The following USP9X variants were observed in gnomAD, a reference collection of about 807,000 sequenced individuals.
The protein encoded by USP9X is ubiquitin specific peptidase 9 X-linked.
Under a neutral mutation model 190.3 loss-of-function variants are expected in USP9X, and 7 were observed. That is an observed-to-expected ratio of 0.04 (90% CI 0.02 to 0.07). The LOEUF (loss-of-function observed/expected upper bound fraction) is 0.07. Among genes scored for constraint, USP9X ranks in the 10% least tolerant of loss-of-function variants. The pLI is 1.00. For missense variants in USP9X, 1,010 were observed against 1,916.9 expected (o/e 0.53, Z 8.83); for synonymous variants, 645 against 659.5 (o/e 0.98, Z 0.34).
chrX:41,093,817 A>G (rs1000605033), intron 1 of USP9X, among the ~76,000 whole-genome samples: 4 of 112,322 alleles, frequency 3.6e-5, no homozygotes, highest in African/African-American at 1.3e-4. Context: ...GATGAAGTTT[A>G]CATTTGAAAG....
intron 21 of USP9X, among the ~76,000 whole-genome samples, chrX:41,174,280 C>T (rs2062754174): frequency 5.4e-5 from 6 of 111,851 alleles, no homozygotes. Context: ...AATTCCACAT[C>T]ATTTTATATA....
rs1286432864 is a variant in USP9X, at chrX:41,230,461, T to G, written c.7432-40T>G. On this transcript the variant is annotated intron_variant, in intron 43 of 44. Transcript: ENST00000378308. ...GAAAAAGTTAAAAGTAAACTTGAGTTTGCCTACGTAATTTTTTATCTTGAA... is the reference window on the plus strand; with the variant it reads ...GAAAAAGTTAAAAGTAAACTTGAGTGTGCCTACGTAATTTTTTATCTTGAA... The G allele has an allele frequency of 3.5e-6, 4 of 1,131,217 alleles. 1 individual carries two copies. In the South Asian group the frequency reaches 5.6e-5, roughly 16 times the overall value. 93.2% of individuals were successfully genotyped at this position (1,131,217 alleles called of 1,213,427 possible).
intron 1 of USP9X, among the ~76,000 whole-genome samples, chrX:41,098,433 C>G (rs2062009099): frequency 2.7e-5 from 3 of 111,278 alleles, no homozygotes; most frequent in Non-Finnish European, 3.8e-5. Context: ...AGCCACCGTG[C>G]CCAGCCTGAC....
chrX:41,160,320 A>G (rs761241955), intron 14 of USP9X, among the ~76,000 whole-genome samples: 1 of 109,049 alleles, frequency 9.2e-6, no homozygotes, highest in African/African-American at 3.3e-5. Context: ...TTATATATAT[A>G]CATATATATA....
intron 1 of USP9X, among the ~76,000 whole-genome samples, chrX:41,115,791 GAGA>G (rs1444244584): frequency 8.9e-6 from 1 of 111,929 alleles, no homozygotes. Context: ...GAAAAATTGA[GAGA>G]AGAAAATCTT....
chrX:41,213,947 T>C (rs769732848), intron 33 of USP9X, among the ~76,000 whole-genome samples: 39 of 112,268 alleles, frequency 3.5e-4, no homozygotes, highest in Non-Finnish European at 6.6e-4. Flanking sequence ...AATTAATGGT[T>C]AATAATGTAT....
chrX:41,191,824 G>A (rs2062937920), intron 26 of USP9X, among the ~76,000 whole-genome samples: 1 of 112,155 alleles, frequency 8.9e-6, no homozygotes, highest in Non-Finnish European at 1.9e-5. Flanking sequence ...TTTCTACCTG[G>A]AAGGAGCAAA....
chrX:41,225,214 A>G, intron 41 of USP9X, 77 bp downstream of exon 41: 1 of 954,854 alleles, frequency 1.0e-6, no homozygotes. Flanking sequence ...CAGTCACCAC[A>G]TTTTTTTTAA....
At position 41,104,127 on chromosome X, in the gene USP9X, C is replaced by T. The variant is rs992928367; in HGVS notation, c.-159+18018C>T. Among the ~76,000 whole-genome samples the T allele has an allele frequency of 6.3e-5, 7 of 111,858 alleles. No homozygotes were observed. The East Asian group carries it at 1.7e-3, about 27-fold the overall frequency. ...TGTCACCCAGGCTGAAGTGCAGTGG[C>T]GTGATCATGGCTCACTATAGCCTTG... On this transcript the variant is annotated intron_variant, in intron 1 of 44. Coordinates refer to ENST00000378308, the MANE Select transcript of USP9X (RefSeq NM_001039591.3).
chrX:41,206,819 C>G (rs1365520710), intron 32 of USP9X, among the ~76,000 whole-genome samples: 3 of 108,459 alleles, frequency 2.8e-5, no homozygotes, highest in African/African-American at 1.0e-4. Context: ...GCTCTGTCGC[C>G]CAGGCTAGAG....
At position 41,086,028 on chromosome X, in the gene USP9X, C is replaced by T. The variant is rs2061907712; in HGVS notation, c.-240C>T. On this transcript the variant is annotated 5_prime_UTR_variant, in exon 1 of 45. Transcript: ENST00000378308. ...CCTGGGATGCACCCAGGGTAGGTCTCGTCCCGGGACCGAGCCCCACCGTCG... is the reference window on the plus strand; with the variant it reads ...CCTGGGATGCACCCAGGGTAGGTCTTGTCCCGGGACCGAGCCCCACCGTCG... The T allele has an allele frequency of 6.7e-6, 2 of 297,649 alleles. No homozygotes were observed. Among genetic ancestry groups the T allele is most frequent in the East Asian group, 9.5e-5 (2 of 21,026 alleles). The allele number at this position is 297,649 out of a possible 1,213,427, so 24.5% of individuals were successfully genotyped here. A position where few individuals can be genotyped will look rare whatever the true frequency, so the allele number is the denominator to read the frequency against.
chrX:41,223,361 G>A lies in USP9X; in HGVS notation c.6710G>A (p.Arg2237His). 8.3e-7 allele frequency: 1 copy of A among 1,211,676 alleles called. No homozygotes were observed. Among genetic ancestry groups the A allele is most frequent in the Non-Finnish European group, 1.1e-6 (1 of 895,327 alleles). ...KLYSVVSQLI[R>H]CCNVSSRMQS... ...TACTCAGTAGTGTCACAGCTGATCC[G>A]CTGTTGCAATGTCTCTTCAAGAATG... Residue 2237 changes from arginine to histidine, a missense_variant, in exon 39 of 45, where the codon CGC becomes CAC. Coordinates refer to ENST00000378308, the MANE Select transcript of USP9X (RefSeq NM_001039591.3).
intron 37 of USP9X, 76 bp downstream of exon 37, chrX:41,218,673 G>A (rs1213407090): frequency 1.1e-6 from 1 of 924,696 alleles, no homozygotes; most frequent in African/African-American, 1.9e-5. Flanking sequence ...GAAGTCACAA[G>A]CATATGTGCA....
chrX:41,168,716 A>C (rs2062699234), intron 18 of USP9X, among the ~76,000 whole-genome samples: 1 of 111,470 alleles, frequency 9.0e-6, no homozygotes. Flanking sequence ...GCTGGTTTCA[A>C]ACTCCTACGC....
At chrX:41,186,474 G>T in intron 23 of USP9X, 43 bp from the exon 24 acceptor site, 1 of 1,201,787 alleles carries the variant, frequency 8.3e-7, no homozygotes, top group Admixed American at 2.2e-5. Flanking sequence ...GTCTGGTTAT[G>T]TACAAATTAT....
At chrX:41,144,927 C>T (rs2062452040) in intron 11 of USP9X, among the ~76,000 whole-genome samples, 1 of 111,129 alleles carries the variant, frequency 9.0e-6, no homozygotes, top group South Asian at 3.8e-4. Flanking sequence ...CTACAATAAA[C>T]AGTAAGATGA....
chrX:41,106,761 C>A (rs2062072517), intron 1 of USP9X, among the ~76,000 whole-genome samples: 1 of 109,499 alleles, frequency 9.1e-6, no homozygotes, highest in Admixed American at 9.8e-5. Context: ...AAATTCCTGA[C>A]CTCAGGTGAT....
intron 15 of USP9X, 130 bp from the exon 16 acceptor site, chrX:41,165,742 G>A: frequency 1.8e-6 from 1 of 552,780 alleles, no homozygotes; most frequent in Non-Finnish European, 2.8e-6. Context: ...AGGTTATTTT[G>A]AAAGAATGAA....
In USP9X at chrX:41,236,459, G is replaced by C. The variant is rs2063398846; in HGVS notation, c.*3935G>C. The stretch of plus-strand genomic sequence containing the variant: ...ATTTAGAGATTCAGATTCCTAAAAG[G>C]AAATTTCACCACCCAAGTCATGCAC... On this transcript the variant is annotated 3_prime_UTR_variant, in exon 45 of 45. Coordinates refer to ENST00000378308, the MANE Select transcript of USP9X (RefSeq NM_001039591.3). 1 of 112,237 alleles carries C rather than the reference G, an allele frequency of 8.9e-6. No individual in the cohort carries two copies. Among genetic ancestry groups the C allele is most frequent in the Non-Finnish European group, 1.9e-5 (1 of 53,149 alleles). 9.2% of individuals were successfully genotyped at this position (112,237 alleles called of 1,213,427 possible). A position where few individuals can be genotyped will look rare whatever the true frequency, so the allele number is the denominator to read the frequency against.
Sources: allele counts gnomAD v4.1 joint callset (sites outside exome capture counted in the v4.1 genomes callset), GRCh38; gene constraint gnomAD v4.1.1; transcripts MANE v1.5; gene names NCBI Gene and HGNC (gene_info 2026-07-23, HGNC 2026-07-21).